The following SMG5 variants were observed in gnomAD, a reference collection of about 807,000 sequenced individuals.
SMG5 encodes nonsense-mediated mRNA decay factor SMG5.
Under a neutral mutation model 122.9 loss-of-function variants are expected in SMG5, and 53 were observed. The ratio of observed to expected loss-of-function variants is 0.43; its 90% CI spans 0.35 to 0.54. SMG5 has a LOEUF of 0.54. Ranked by LOEUF, SMG5 falls within the 20% of genes least tolerant of loss-of-function variation. The probability of loss-of-function intolerance (pLI) is 0.01; values close to 1 mark genes in which losing one functional copy is unlikely to be tolerated. For missense variants in SMG5, 1,153 were observed against 1,285.6 expected (o/e 0.90, Z 1.58); for synonymous variants, 477 against 490.2 (o/e 0.97, Z 0.35).
rs1169158281 is a variant in SMG5, at chr1:156,250,959, T to C, written c.2866A>G (p.Thr956Ala). 1.2e-6 allele frequency: 2 copies of C among 1,613,740 alleles called. No individual in the cohort carries two copies. The highest frequency in any genetic ancestry group is 1.7e-6 in the Non-Finnish European group (2 of 1,179,930). Residue 956 changes from threonine to alanine, a missense_variant, in exon 21 of 22, where the codon ACT becomes GCT. Around this residue, in one of 5 missense-constraint regions of SMG5, gnomAD observed 84 missense variants for 82.3 expected, o/e 1.02. Transcript: ENST00000361813. ...TCCTCACCTGCCCCCTGGGCCAGAG[T>C]CAGCTGTTTGCAGCTGTCTAGGATC... Reference protein sequence around the residue: ...YKILDSCKQLTLAQGAGEEDP... With the variant: ...YKILDSCKQLALAQGAGEEDP...
At position 156,249,286 on chromosome 1, in the gene SMG5, G is replaced by A. The variant is rs536545101; in HGVS notation, c.*1301C>T. ...CAGTCTCTGCCAGCAACTGGGAGTG[G>A]GGTGACTCCACTCACCCCAGGATTT... On this transcript the variant is annotated 3_prime_UTR_variant, in exon 22 of 22. Coordinates refer to ENST00000361813, the MANE Select transcript of SMG5 (RefSeq NM_015327.3). 1 of 186,320 alleles carries A rather than the reference G, an allele frequency of 5.4e-6. No individual in the cohort carries two copies. Among genetic ancestry groups the A allele is most frequent in the African/African-American group, 2.3e-5 (1 of 42,562 alleles). 11.5% of individuals were successfully genotyped at this position (186,320 alleles called of 1,614,324 possible).
chr1:156,285,497 C>T (rs780899996), upstream of SMG5: 1 of 1,614,182 alleles, frequency 6.2e-7, no homozygotes, highest in Non-Finnish European at 8.5e-7. Flanking sequence ...GTTCCCGGAT[C>T]CCCCTGGCTG....
intron 9 of SMG5, 102 bp downstream of exon 9, chr1:156,268,013 T>G: frequency 4.9e-6 from 6 of 1,220,010 alleles, no homozygotes; most frequent in Non-Finnish European, 7.1e-6. Flanking sequence ...ATGTTCAAAC[T>G]GAGGGCAGAA....
chr1:156,263,148 C>T (rs1661933113), intron 13 of SMG5, among the ~76,000 whole-genome samples: 1 of 152,222 alleles, frequency 6.6e-6, no homozygotes, highest in Non-Finnish European at 1.5e-5. Flanking sequence ...GCATTATGCC[C>T]AGCATTGGGG....
intron 16 of SMG5, among the ~76,000 whole-genome samples, chr1:156,255,453 C>T (rs1284400597): frequency 2.6e-5 from 4 of 151,930 alleles, no homozygotes; most frequent in African/African-American, 7.3e-5. Flanking sequence ...GCAGGAGAAT[C>T]GCTTGAACCC....
At position 156,268,150 on chromosome 1, in the gene SMG5, A is replaced by T. The variant is rs774713170; in HGVS notation, c.873T>A (p.Phe291Leu). The T allele has an allele frequency of 1.9e-6, 3 of 1,614,156 alleles. No homozygotes were observed. The highest frequency in any genetic ancestry group is 2.2e-5 in the East Asian group (1 of 44,874). ...GCTGTAGGAGGCTTTGCAGATACATAAAGTTCACTAGCAACCTTTTAATGT... is the reference window on the plus strand; with the variant it reads ...GCTGTAGGAGGCTTTGCAGATACATTAAGTTCACTAGCAACCTTTTAATGT... ...CKDIKRLLVNFMYLQSLLQPK... is the reference protein window; with the variant it reads ...CKDIKRLLVNLMYLQSLLQPK... The change falls in exon 9 of 22, where the codon TTT becomes TTA. Residue 291 changes from phenylalanine (F) to leucine (L), a missense_variant. Phe to Leu is a conservative substitution (Grantham distance 22). Coordinates refer to ENST00000361813, the MANE Select transcript of SMG5 (RefSeq NM_015327.3).
chr1:156,264,927 G>A (rs926419445), intron 12 of SMG5, among the ~76,000 whole-genome samples: 5 of 152,002 alleles, frequency 3.3e-5, no homozygotes, highest in East Asian at 3.9e-4. Flanking sequence ...TTGGGAGGCT[G>A]AGGCAGAAGA....
At position 156,251,465 on chromosome 1, in the gene SMG5, G is replaced by A. The variant is rs1210695137; in HGVS notation, c.2766C>T (p.Cys922=). 1.2e-6 allele frequency: 2 copies of A among 1,614,062 alleles called. No homozygotes were observed. The highest frequency in any genetic ancestry group is 1.1e-5 in the South Asian group (1 of 91,068). The change falls in exon 20 of 22, where the codon TGC becomes TGT. Residue 922 remains cysteine, a synonymous_variant. Coordinates refer to ENST00000361813, the MANE Select transcript of SMG5 (RefSeq NM_015327.3). The part of the protein sequence containing the change: ...EFKKGNRYIR[C]QKEVGKSFER... ...CAAAGCTCTTTCCCACCTCTTTCTG[G>A]CAGCGAATGTACCTGCAGAGGAGAT...
upstream of SMG5, among the ~76,000 whole-genome samples, chr1:156,283,535 A>C (rs1663060702): frequency 6.7e-6 from 1 of 150,306 alleles, no homozygotes; most frequent in Non-Finnish European, 1.5e-5. Context: ...CCTAATCCTC[A>C]CATTGGAAAT....
intron 18 of SMG5, 133 bp downstream of exon 18, chr1:156,252,786 A>T: frequency 3.2e-6 from 3 of 949,260 alleles, no homozygotes; most frequent in Non-Finnish European, 4.6e-6. Context: ...AGATGAAGTG[A>T]CGGGTTCACA....
At chr1:156,257,142 G>A (rs1234493359) in intron 16 of SMG5, among the ~76,000 whole-genome samples, 1 of 151,962 alleles carries the variant, frequency 6.6e-6, no homozygotes. Flanking sequence ...GGCCAGGCTG[G>A]TCTCGAACTC....
At position 156,250,991 on chromosome 1, in the gene SMG5, A is replaced by T; in HGVS notation, c.2834T>A (p.Leu945His). 1 of 1,613,494 alleles carries T rather than the reference A, an allele frequency of 6.2e-7. No homozygotes were observed. Among genetic ancestry groups the T allele is most frequent in the South Asian group, 1.1e-5 (1 of 91,084 alleles). ...LKRQDADAWT[L>H]YKILDSCKQL... ...TTTGCAGCTGTCTAGGATCTTATAG[A>T]GAGTCCTGGGGATGGGGGGCAGAGG... is the stretch of plus-strand genomic sequence containing the variant. The change falls in exon 21 of 22, where the codon CTC becomes CAC. Residue 945 changes from leucine to histidine, a missense_variant. Physicochemically the swap from Leu to His is moderately conservative, Grantham distance 99. This residue lies in a region of SMG5 where 140 missense variants were observed against 227.8 expected (regional missense o/e 0.61). Transcript: ENST00000361813.
chr1:156,256,214 T>C (rs1393151683), intron 16 of SMG5, among the ~76,000 whole-genome samples: 1 of 151,834 alleles, frequency 6.6e-6, no homozygotes, highest in Non-Finnish European at 1.5e-5. Flanking sequence ...AGAATTGTCC[T>C]GCCCAAGGTG....
At position 156,261,358 on chromosome 1, in the gene SMG5, A is replaced by G. The variant is rs777174551; in HGVS notation, c.2082T>C (p.Pro694=). Residue 694 remains proline (P), a synonymous_variant, in exon 14 of 22, where the codon CCT becomes CCC. Coordinates refer to ENST00000361813, the MANE Select transcript of SMG5 (RefSeq NM_015327.3). ...NRLSVLLNLL[P]AAGELQESGL... is the part of the protein sequence containing the mutation. ...CAGACTCCTGGAGTTCACCAGCAGCAGGCAACAGATTCAGCAACACAGACA... is the reference window on the plus strand; with the variant it reads ...CAGACTCCTGGAGTTCACCAGCAGCGGGCAACAGATTCAGCAACACAGACA... 8.7e-6 allele frequency: 14 copies of G among 1,614,108 alleles called. No individual in the cohort carries two copies. The Admixed American group carries it at 2.3e-4, about 27-fold the overall frequency.
chr1:156,257,141 G>A (rs918781880), intron 16 of SMG5, among the ~76,000 whole-genome samples: 3 of 152,012 alleles, frequency 2.0e-5, no homozygotes, highest in Non-Finnish European at 4.4e-5. Context: ...TGGCCAGGCT[G>A]GTCTCGAACT....
intron 16 of SMG5, 139 bp downstream of exon 16, chr1:156,258,866 C>T (rs576531522): frequency 1.9e-6 from 2 of 1,071,546 alleles, no homozygotes; most frequent in African/African-American, 1.6e-5. Context: ...GGCCTCCCTC[C>T]CAGCCTCCCC....
At chr1:156,253,677 C>T (rs1247311325) in intron 16 of SMG5, 169 bp from the exon 17 acceptor site, 3 of 660,654 alleles carry the variant, frequency 4.5e-6, no homozygotes, top group Admixed American at 2.2e-5. Context: ...AAATATTCTT[C>T]CACTGCACTC....
Position 156,274,751 on chromosome 1 carries a change from T to C in SMG5, c.455-65A>G, listed in dbSNP as rs867473825. The C allele has an allele frequency of 3.8e-6, 5 of 1,319,468 alleles. No individual in the cohort carries two copies. The Middle Eastern group carries it at 5.5e-4, about 145-fold the overall frequency. The allele number at this position is 1,319,468 out of a possible 1,614,324, so 81.7% of individuals were successfully genotyped here. A position where few individuals can be genotyped will look rare whatever the true frequency, so the allele number is the denominator to read the frequency against. On this transcript the variant is annotated intron_variant, in intron 4 of 21. Transcript: ENST00000361813. Reference sequence around the variant, plus strand: ...CTGCCTTCCCGCACCTATGAAGAAATACCCCTCCGAGATGTAGAGACTAAG... The same window carrying C: ...CTGCCTTCCCGCACCTATGAAGAAACACCCCTCCGAGATGTAGAGACTAAG...
intron 7 of SMG5, among the ~76,000 whole-genome samples, chr1:156,271,578 T>G (rs201998302): frequency 7.0e-6 from 1 of 143,636 alleles, no homozygotes; most frequent in South Asian, 2.4e-4. Flanking sequence ...TTTTTTTTTT[T>G]TTTTTTTTTT....
Sources: allele counts gnomAD v4.1 joint callset (sites outside exome capture counted in the v4.1 genomes callset), GRCh38; gene constraint gnomAD v4.1.1; regional missense constraint gnomAD v4.1.1; transcripts MANE v1.5; gene names NCBI Gene and HGNC (gene_info 2026-07-23, HGNC 2026-07-21).